Variants in SLC43A2 observed in about 807,000 individuals in gnomAD.
SLC43A2 encodes solute carrier family 43 member 2, also known as large neutral amino acids transporter small subunit 4.
In SLC43A2, 38 loss-of-function variants were observed where a neutral mutation model predicts 63.2. That is an observed-to-expected ratio of 0.60 (90% CI 0.46 to 0.79). The LOEUF is 0.79. Among genes scored for constraint, SLC43A2 ranks in the 30% least tolerant of loss-of-function variants. The pLI is 0.00. For missense variants in SLC43A2, 644 were observed against 756.2 expected, an observed-to-expected ratio of 0.85 and a Z score of 1.74; for synonymous variants, 322 against 331.0, an observed-to-expected ratio of 0.97 and a Z score of 0.30.
chr17:1,615,806 G>A lies in SLC43A2; in HGVS notation c.368+756C>T, dbSNP rs1361331071. Among the ~76,000 whole-genome samples the A allele has an allele frequency of 2.0e-5, 3 of 148,700 alleles. No individual in the cohort carries two copies. The East Asian group carries it at 5.9e-4, about 29-fold the overall frequency. On this transcript the variant is annotated intron_variant, in intron 3 of 13. Transcript: ENST00000301335. ...CGCAGTGAGCCGAGATCGCGCCGCT[G>A]CACTCTAGCCTGGGCGACAGAGGGA...
intron 5 of SLC43A2, among the ~76,000 whole-genome samples, chr17:1,612,206 C>T (rs929823074): frequency 6.6e-5 from 10 of 152,106 alleles, no homozygotes; most frequent in Non-Finnish European, 8.8e-5. Flanking sequence ...TCAAGTGATC[C>T]GCCTGCCTCA....
At chr17:1,600,037 C>G (rs1255669298) in intron 5 of SLC43A2, among the ~76,000 whole-genome samples, 1 of 142,772 alleles carries the variant, frequency 7.0e-6, no homozygotes. Context: ...GAGCAAGACT[C>G]CGTCTCAAAA....
intron 2 of SLC43A2, 125 bp from the exon 3 acceptor site, chr17:1,616,894 A>C: frequency 9.2e-7 from 1 of 1,081,592 alleles, no homozygotes; most frequent in Non-Finnish European, 1.3e-6. Flanking sequence ...CGGCCTCTCG[A>C]GGGCTCAGGC....
chr17:1,570,868 C>G lies in SLC43A2; in HGVS notation c.*4736G>C, dbSNP rs2075838341. 1 of 152,306 alleles carries G rather than the reference C, an allele frequency of 6.6e-6. No individual in the cohort carries two copies. Among genetic ancestry groups the G allele is most frequent in the Non-Finnish European group, 1.5e-5 (1 of 68,106 alleles). The allele number at this position is 152,306 out of a possible 1,614,324, so 9.4% of individuals were successfully genotyped here. A position where few individuals can be genotyped will look rare whatever the true frequency, so the allele number is the denominator to read the frequency against. On this transcript the variant is annotated 3_prime_UTR_variant, in exon 14 of 14. Transcript: ENST00000301335. The stretch of plus-strand genomic sequence containing the variant: ...CACGTAGCTGCACCACGCAGGCATT[C>G]TTTCCTCCCTTTTGCAGATGATGGC...
rs137939004 is a variant in SLC43A2 at position 1,619,285 on chromosome 17, G to C, written c.161-2516C>G. Among the ~76,000 whole-genome samples the C allele has an allele frequency of 4.8e-3, 730 of 152,332 alleles. 2 individuals are homozygous for C. The highest frequency in any genetic ancestry group is 6.7e-3 in the Non-Finnish European group (459 of 68,038). On this transcript the variant is annotated intron_variant, in intron 2 of 13. Coordinates refer to ENST00000301335, the MANE Select transcript of SLC43A2 (RefSeq NM_152346.3). ...CCACTGCACTCCAGCCTGGGCAACA[G>C]AGTGAGACCCCGTCTCGAAAAACAA...
At chr17:1,584,862 C>T (rs1447399787) in intron 10 of SLC43A2, among the ~76,000 whole-genome samples, 2 of 152,086 alleles carry the variant, frequency 1.3e-5, no homozygotes, top group Admixed American at 6.6e-5. Flanking sequence ...GCGTTTAACT[C>T]ATCCTCTGAT....
intron 10 of SLC43A2, chr17:1,585,435 C>G (rs373599769): frequency 7.4e-5 from 24 of 326,242 alleles, no homozygotes; most frequent in African/African-American, 4.1e-4. Flanking sequence ...TAGTAGAGAC[C>G]GGGTTTTACC....
At chr17:1,587,061 T>G in intron 9 of SLC43A2, 1 of 1,245,762 alleles carries the variant, frequency 8.0e-7, no homozygotes, top group Non-Finnish European at 1.1e-6. Flanking sequence ...GCTCACTCCA[T>G]GCCCAGCACG....
intron 9 of SLC43A2, chr17:1,586,928 T>TGGGCCCCCCCCCCCCCC: frequency 3.2e-6 from 4 of 1,232,854 alleles, no homozygotes; most frequent in Non-Finnish European, 4.5e-6. Context: ...TCCCTGACAA[T>TGGGCCCCCCCCCCCCCC]CCCCCCCACC....
At chr17:1,620,654 G>A (rs754301611) in intron 2 of SLC43A2, among the ~76,000 whole-genome samples, 5 of 151,878 alleles carry the variant, frequency 3.3e-5, no homozygotes, top group South Asian at 2.1e-4. Context: ...GGAGGTGAGC[G>A]GCTTCTCCTT....
At chr17:1,580,987 C>T (rs1358543220) in intron 11 of SLC43A2, among the ~76,000 whole-genome samples, 3 of 152,120 alleles carry the variant, frequency 2.0e-5, no homozygotes, top group Admixed American at 6.5e-5. Flanking sequence ...GTGGGAGGCC[C>T]CCTGCCCAGG....
intron 4 of SLC43A2, among the ~76,000 whole-genome samples, 174 bp from the exon 5 acceptor site, chr17:1,613,445 G>A (rs1161512437): frequency 6.6e-6 from 1 of 151,950 alleles, no homozygotes; most frequent in Non-Finnish European, 1.5e-5. Flanking sequence ...CCTCCTCTAG[G>A]CCTATTTCTT....
At chr17:1,598,370 G>A (rs1410082366) in intron 5 of SLC43A2, among the ~76,000 whole-genome samples, 6 of 151,300 alleles carry the variant, frequency 4.0e-5, no homozygotes, top group South Asian at 2.1e-4. Flanking sequence ...GCAGTGAGCC[G>A]AGATCATGCC....
At chr17:1,601,806 G>A (rs546157532) in intron 5 of SLC43A2, among the ~76,000 whole-genome samples, 177 of 128,776 alleles carry the variant, frequency 1.4e-3, no homozygotes, top group Non-Finnish European at 2.2e-3. Context: ...ACCACCCTCC[G>A]GAAGGTCCAA....
In SLC43A2 at chr17:1,574,154, G is replaced by A. The variant is rs773641889; in HGVS notation, c.*1450C>T. 2.0e-5 allele frequency: 3 copies of A among 152,340 alleles called. No homozygotes were observed. The highest frequency in any genetic ancestry group is 4.4e-5 in the Non-Finnish European group (3 of 68,124). The allele number at this position is 152,340 out of a possible 1,614,324, so 9.4% of individuals were successfully genotyped here. On this transcript the variant is annotated 3_prime_UTR_variant, in exon 14 of 14. Coordinates refer to ENST00000301335, the MANE Select transcript of SLC43A2 (RefSeq NM_152346.3). Reference sequence around the variant, plus strand: ...GACCAGGATTCGCCTGTTTGGCTGGGAAAATCGGTAGAGGAGGGTGGCTCA... The same window carrying A: ...GACCAGGATTCGCCTGTTTGGCTGGAAAAATCGGTAGAGGAGGGTGGCTCA...
rs774108896 is a variant in SLC43A2, at chr17:1,605,202, G to A, written c.501+7993C>T. 527 of 1,133,994 alleles carry A rather than the reference G, an allele frequency of 4.6e-4. No individual in the cohort carries two copies. The highest frequency in any genetic ancestry group is 5.4e-4 in the Non-Finnish European group (493 of 918,370). 70.2% of individuals were successfully genotyped at this position (1,133,994 alleles called of 1,614,324 possible). ...CGGGCTGTTCACTCACTGCCTCCAC[G>A]CAGCCTCAGTCACACAGGGAAGCCC... On this transcript the variant is annotated intron_variant, in intron 5 of 13. Coordinates refer to ENST00000301335, the MANE Select transcript of SLC43A2 (RefSeq NM_152346.3). This position sits in a 1 kb window ranked among gnomAD's most constrained non-coding sequence, Gnocchi z 4.9.
intron 4 of SLC43A2, among the ~76,000 whole-genome samples, chr17:1,614,233 ACT>A (rs957986227): frequency 2.6e-4 from 40 of 151,692 alleles, no homozygotes; most frequent in African/African-American, 9.4e-4. Flanking sequence ...ACAGAGGGAG[ACT>A]CTGTCTCAAC....
chr17:1,619,878 G>C lies in SLC43A2; in HGVS notation c.161-3109C>G, dbSNP rs554619000. On this transcript the variant is annotated intron_variant, in intron 2 of 13. Coordinates refer to ENST00000301335, the MANE Select transcript of SLC43A2 (RefSeq NM_152346.3). ...TTGTGGGGACAGTGACTGCACAGGG[G>C]CCGTGGAATAACTGAGGGCTTGGGG... Among the ~76,000 whole-genome samples the C allele has an allele frequency of 2.0e-5, 3 of 152,332 alleles. No individual in the cohort carries two copies. In the South Asian group the frequency reaches 6.2e-4, roughly 32 times the overall value.
intron 5 of SLC43A2, among the ~76,000 whole-genome samples, chr17:1,600,549 C>CTTTT (rs398030152): frequency 2.7e-5 from 2 of 73,746 alleles, no homozygotes; most frequent in African/African-American, 1.0e-4. Context: ...TTTCTTTCCT[C>CTTTT]TTTTTTTTTT....
Sources: gnomAD v4.1 joint callset for allele counts (sites outside exome capture counted in the v4.1 genomes callset) on GRCh38, gnomAD v4.1.1 for gene constraint, Gnocchi (gnomAD v3.1) non-coding constraint, MANE v1.5 for transcripts, NCBI Gene and HGNC (gene_info 2026-07-23, HGNC 2026-07-21) for gene names.